Variants in NIPSNAP1 observed in about 807,000 individuals in gnomAD.
NIPSNAP1 encodes nipsnap homolog 1.
Under a neutral mutation model 49.2 loss-of-function variants are expected in NIPSNAP1, and 25 were observed. That is an observed-to-expected ratio of 0.51 (90% CI 0.37 to 0.71). The LOEUF is 0.71. NIPSNAP1 is among the 30% of genes least tolerant of loss of function. The probability of loss-of-function intolerance (pLI) is 0.00; values close to 1 mark genes in which losing one functional copy is unlikely to be tolerated. For missense variants in NIPSNAP1, 294 were observed against 361.0 expected (o/e 0.81, Z 1.50); for synonymous variants, 143 against 140.7 (o/e 1.02, Z -0.12).
chr22:29,564,419 G>T (rs1491001880), intron 4 of NIPSNAP1: 1 of 470,452 alleles, frequency 2.1e-6, no homozygotes, highest in African/African-American at 2.0e-5. Flanking sequence ...CAGCATCATT[G>T]GCAAGAGGAA....
rs894364772 is a variant in NIPSNAP1, at chr22:29,570,201, T to C, written c.233A>G (p.Asn78Ser). 7 of 1,613,888 alleles carry C rather than the reference T, an allele frequency of 4.3e-6. No individual in the cohort carries two copies. Among genetic ancestry groups the C allele is most frequent in the Middle Eastern group, 1.6e-4 (1 of 6,062 alleles). The change falls in exon 3 of 10, where the codon AAT becomes AGT. Residue 78 changes from asparagine to serine, a missense_variant. Coordinates refer to ENST00000216121, the MANE Select transcript of NIPSNAP1 (RefSeq NM_003634.4). ...GGCATCCAGGTATTCAGGCTTTACA[T>C]TGTGAACTGCAACAGAGGACAGAGA... ...TSNLYKIQFH[N>S]VKPEYLDAYN...
chr22:29,557,922 C>G (rs926793705), intron 9 of NIPSNAP1, among the ~76,000 whole-genome samples: 4 of 152,176 alleles, frequency 2.6e-5, no homozygotes, highest in African/African-American at 9.7e-5. Flanking sequence ...CCCACTGACT[C>G]TAGGTGGTTT....
chr22:29,576,985 T>C (rs1472661649), intron 1 of NIPSNAP1, among the ~76,000 whole-genome samples: 1 of 150,968 alleles, frequency 6.6e-6, no homozygotes, highest in Non-Finnish European at 1.5e-5. Context: ...TCAGGGGTCC[T>C]TTCCATCCTT....
At position 29,581,095 on chromosome 22, in the gene NIPSNAP1, A is replaced by G; in HGVS notation, c.-13T>C. ...GCCGCGGAGCCATGTTGGAGCCGCA[A>G]AGGTTGCAGGAAGGCCCCGCCCCCA... On this transcript the variant is annotated 5_prime_UTR_variant, in exon 1 of 10. Transcript: ENST00000216121. 1.9e-6 allele frequency: 3 copies of G among 1,540,820 alleles called. No homozygotes were observed. Among genetic ancestry groups the G allele is most frequent in the Non-Finnish European group, 2.6e-6 (3 of 1,145,858 alleles).
intron 8 of NIPSNAP1, among the ~76,000 whole-genome samples, chr22:29,559,617 C>A (rs1310240677): frequency 2.0e-5 from 3 of 152,126 alleles, no homozygotes; most frequent in Non-Finnish European, 4.4e-5. Flanking sequence ...CCCTAGACCT[C>A]CCAGACTCAG....
Position 29,555,982 on chromosome 22 carries a change from T to G in NIPSNAP1, c.808A>C (p.Met270Leu). 6.4e-7 allele frequency: 1 copy of G among 1,551,464 alleles called. No individual in the cohort carries two copies. The highest frequency in any genetic ancestry group is 8.7e-7 in the Non-Finnish European group (1 of 1,146,898). ...AAGGGGATCATGATCCTAGACTCCA[T>G]GTGTCGCACCAGGGGGACTGCGGAG... Reference protein sequence around the residue: ...VYYTVPLVRHMESRIMIPLKI... With the variant: ...VYYTVPLVRHLESRIMIPLKI... The change falls in exon 10 of 10, where the codon ATG becomes CTG. Residue 270 changes from methionine (M) to leucine (L), a missense_variant. Physicochemically the swap from Met to Leu is conservative, Grantham distance 15 (BLOSUM62 2). Transcript: ENST00000216121.
At chr22:29,561,422 C>T in intron 6 of NIPSNAP1, 84 bp downstream of exon 6, 1 of 1,591,634 alleles carries the variant, frequency 6.3e-7, no homozygotes, top group Non-Finnish European at 8.6e-7. Context: ...GCCAGAAGCC[C>T]CAGTCTAGGT....
chr22:29,565,233 CA>C (rs1406381202), intron 4 of NIPSNAP1, among the ~76,000 whole-genome samples: 3 of 151,832 alleles, frequency 2.0e-5, no homozygotes, highest in Admixed American at 1.3e-4. Flanking sequence ...AGAAAAAGGC[CA>C]GGGGCAGTGG....
At position 29,555,736 on chromosome 22, in the gene NIPSNAP1, C is replaced by T; in HGVS notation, c.*199G>A. 1 of 601,320 alleles carries T rather than the reference C, an allele frequency of 1.7e-6. No homozygotes were observed. Among genetic ancestry groups the T allele is most frequent in the Non-Finnish European group, 3.0e-6 (1 of 328,366 alleles). 37.2% of individuals were successfully genotyped at this position (601,320 alleles called of 1,614,324 possible). A position where few individuals can be genotyped will look rare whatever the true frequency, so the allele number is the denominator to read the frequency against. On this transcript the variant is annotated 3_prime_UTR_variant, in exon 10 of 10. Coordinates refer to ENST00000216121, the MANE Select transcript of NIPSNAP1 (RefSeq NM_003634.4). The stretch of plus-strand genomic sequence containing the variant: ...CTTCTAGCAGGGGGAGGGAGGCAGG[C>T]AGGGAAAGTAGAAAGGGCCTGGGCA...
Position 29,581,092 on chromosome 22 carries a change from G to A in NIPSNAP1, c.-10C>T, listed in dbSNP as rs774717831. 8 of 1,540,638 alleles carry A rather than the reference G, an allele frequency of 5.2e-6. No homozygotes were observed. The highest frequency in any genetic ancestry group is 2.0e-4 in the Middle Eastern group (1 of 5,108). On this transcript the variant is annotated 5_prime_UTR_variant, in exon 1 of 10. Transcript: ENST00000216121. Reference sequence around the variant, plus strand: ...ACAGCCGCGGAGCCATGTTGGAGCCGCAAAGGTTGCAGGAAGGCCCCGCCC... The same window carrying A: ...ACAGCCGCGGAGCCATGTTGGAGCCACAAAGGTTGCAGGAAGGCCCCGCCC...
chr22:29,568,758 C>T (rs2064385912), intron 4 of NIPSNAP1, among the ~76,000 whole-genome samples: 1 of 152,070 alleles, frequency 6.6e-6, no homozygotes, highest in Non-Finnish European at 1.5e-5. Flanking sequence ...CACTACTGCA[C>T]TCCAGCCTGG....
intron 4 of NIPSNAP1, 98 bp downstream of exon 4, chr22:29,569,095 T>G: frequency 1.1e-6 from 1 of 883,416 alleles, no homozygotes; most frequent in Non-Finnish European, 1.9e-6. Flanking sequence ...CCCCACCAGG[T>G]GCTGTTGTGG....
chr22:29,579,174 T>C (rs1183492686), intron 1 of NIPSNAP1, among the ~76,000 whole-genome samples: 3 of 150,664 alleles, frequency 2.0e-5, no homozygotes, highest in African/African-American at 7.5e-5. Flanking sequence ...CCGGGTTCAA[T>C]TGATTCTCCT....
chr22:29,578,360 C>G (rs1373928708), intron 1 of NIPSNAP1, among the ~76,000 whole-genome samples: 2 of 151,162 alleles, frequency 1.3e-5, no homozygotes. Context: ...TTTATAGAGA[C>G]AGGATCTCGC....
chr22:29,578,401 G>A (rs2064471777), intron 1 of NIPSNAP1, among the ~76,000 whole-genome samples: 1 of 151,144 alleles, frequency 6.6e-6, no homozygotes, highest in Non-Finnish European at 1.5e-5. Context: ...CAAACTCCTG[G>A]GTTCAAGCAA....
intron 9 of NIPSNAP1, among the ~76,000 whole-genome samples, chr22:29,556,843 G>A (rs1031314235): frequency 1.3e-5 from 2 of 152,080 alleles, no homozygotes; most frequent in Admixed American, 6.6e-5. Context: ...TCTGCCTTCC[G>A]GTTTCAAGCG....
At chr22:29,557,100 G>C (rs866861303) in intron 9 of NIPSNAP1, among the ~76,000 whole-genome samples, 4 of 151,564 alleles carry the variant, frequency 2.6e-5, no homozygotes, top group African/African-American at 9.7e-5. Context: ...CTGTCAGTTG[G>C]GACCACACTT....
At chr22:29,573,289 C>A (rs2064424494) in intron 1 of NIPSNAP1, among the ~76,000 whole-genome samples, 1 of 152,082 alleles carries the variant, frequency 6.6e-6, no homozygotes, top group African/African-American at 2.4e-5. Context: ...CCTGCCTCGG[C>A]CTCTCAAAGT....
intron 4 of NIPSNAP1, among the ~76,000 whole-genome samples, chr22:29,568,272 G>A (rs1273199244): frequency 3.6e-5 from 5 of 139,364 alleles, no homozygotes; most frequent in Admixed American, 7.3e-5. Context: ...ATCACCTGAG[G>A]TCAGAAGTTC....
Sources: gnomAD v4.1 joint callset for allele counts (sites outside exome capture counted in the v4.1 genomes callset) on GRCh38, gnomAD v4.1.1 for gene constraint, MANE v1.5 for transcripts, NCBI Gene and HGNC (gene_info 2026-07-23, HGNC 2026-07-21) for gene names.